Variants in SLC48A1 observed in about 807,000 individuals in gnomAD.
SLC48A1 encodes heme transporter HRG1.
SLC48A1 carries 6 observed loss-of-function variants against 14.8 expected under a neutral mutation model. The ratio of observed to expected loss-of-function variants is 0.41; its 90% CI spans 0.22 to 0.80. SLC48A1 has a LOEUF of 0.80. SLC48A1 is among the 30% of genes least tolerant of loss of function. The pLI is 0.34. For missense variants in SLC48A1, 165 were observed against 204.8 expected (o/e 0.81, Z 1.19); for synonymous variants, 89 against 90.0 (o/e 0.99, Z 0.06).
rs568829828 is a variant in SLC48A1, at chr12:47,758,896, G to A, written c.-373+236G>A. The A allele has an allele frequency of 1.5e-5, 17 of 1,111,298 alleles. No homozygotes were observed. In the East Asian group the frequency reaches 7.4e-4, roughly 48 times the overall value. The allele number at this position is 1,111,298 out of a possible 1,614,324, so 68.8% of individuals were successfully genotyped here. On this transcript the variant is annotated intron_variant, in intron 1 of 4. Coordinates refer to the SLC48A1 transcript ENST00000547002. ...AGGCTGCGCTGGCACCGGTCCGGGC[G>A]GGAGCTGTCACACCCCCTGCGCTGC... is the stretch of plus-strand genomic sequence containing the variant.
At position 47,780,186 on chromosome 12, in the gene SLC48A1, A is replaced by T. The variant is rs1349355069; in HGVS notation, c.346A>T (p.Ser116Cys). The change falls in exon 3 of 3, where the codon AGC (serine) becomes TGC (cysteine). Residue 116 changes from serine (S) to cysteine (C), a missense_variant. By Grantham distance (112) the Ser-to-Cys change is moderately radical. Transcript: ENST00000442218. ...PTSYYLSSVW[S>C]FISFKWAFLL... ...CAGCTACTACCTCTCCAGCGTCTGGAGCTTCATTTCCTTCAAGTGGGCCTT... is the reference window on the plus strand; with the variant it reads ...CAGCTACTACCTCTCCAGCGTCTGGTGCTTCATTTCCTTCAAGTGGGCCTT... 1.2e-6 allele frequency: 2 copies of T among 1,613,016 alleles called. No homozygotes were observed. Among genetic ancestry groups the T allele is most frequent in the South Asian group, 1.1e-5 (1 of 90,908 alleles).
intron 2 of SLC48A1, among the ~76,000 whole-genome samples, chr12:47,763,049 T>C (rs1942422366): frequency 6.6e-6 from 1 of 152,216 alleles, no homozygotes; most frequent in Non-Finnish European, 1.5e-5. Context: ...GGCATGAAGC[T>C]GATGCTTAAT....
At chr12:47,766,497 A>C (rs1435297965) in intron 2 of SLC48A1, among the ~76,000 whole-genome samples, 1 of 152,118 alleles carries the variant, frequency 6.6e-6, no homozygotes, top group Non-Finnish European at 1.5e-5. Context: ...CAGCTCCCTC[A>C]GTAAAAGGTG....
chr12:47,777,684 A>T lies in SLC48A1; in HGVS notation c.137-1344A>T, dbSNP rs1942783112. Among the ~76,000 whole-genome samples, 1 of 152,226 alleles carries T rather than the reference A, an allele frequency of 6.6e-6. No individual in the cohort carries two copies. The highest frequency in any genetic ancestry group is 2.4e-5 in the African/African-American group (1 of 41,452). ...TTTTCCCCCTTAAACAAATTATGAA[A>T]TATTTTAGGCACACAAAAAAGGATA... On this transcript the variant is annotated intron_variant, in intron 1 of 2. Coordinates refer to ENST00000442218, the MANE Select transcript of SLC48A1 (RefSeq NM_017842.3). The surrounding 1 kb of genome is among the most constrained non-coding windows in gnomAD (Gnocchi z 4.5).
At chr12:47,757,835 C>T (rs1942176565), upstream of SLC48A1, 1 of 1,537,394 alleles carries the variant, frequency 6.5e-7, no homozygotes. Flanking sequence ...TGGTACTGGC[C>T]CTGGCACCTG....
intron 1 of SLC48A1, 120 bp downstream of exon 1, chr12:47,773,560 C>G: frequency 2.5e-6 from 3 of 1,217,572 alleles, no homozygotes; most frequent in South Asian, 6.7e-5. Flanking sequence ...AGTGTTTACT[C>G]GAAAACAGCG....
chr12:47,768,608 T>G (rs1204694580), upstream of SLC48A1: 2 of 152,258 alleles, frequency 1.3e-5, no homozygotes, highest in Admixed American at 1.3e-4. Flanking sequence ...AGCCCTGACA[T>G]GTCCAATAAA....
intron 2 of SLC48A1, among the ~76,000 whole-genome samples, chr12:47,761,451 G>A (rs7397928): frequency 0.18 from 27,462 of 152,228 alleles, 3,212 homozygotes; most frequent in East Asian, 0.36. Context: ...ATCATAGGGA[G>A]TAGATCTTTT....
chr12:47,779,206 G>C lies in SLC48A1; in HGVS notation c.304+11G>C. 1 of 1,548,180 alleles carries C rather than the reference G, an allele frequency of 6.5e-7. No homozygotes were observed. The highest frequency in any genetic ancestry group is 1.2e-5 in the South Asian group (1 of 83,930). Reference sequence around the variant, plus strand: ...TCACCCGGCATCAGAGTGAGGGCGGGTCCCAGGGAAAGAGGGCATGGGAGG... The same window carrying C: ...TCACCCGGCATCAGAGTGAGGGCGGCTCCCAGGGAAAGAGGGCATGGGAGG... On this transcript the variant is annotated intron_variant, in intron 2 of 2. Transcript: ENST00000442218.
upstream of SLC48A1, chr12:47,758,541 C>T: frequency 6.2e-7 from 1 of 1,613,936 alleles, no homozygotes; most frequent in Non-Finnish European, 8.5e-7. Context: ...CCTGACCCCA[C>T]CTTACCCACC....
intron 2 of SLC48A1, among the ~76,000 whole-genome samples, chr12:47,766,126 C>T (rs1942510467): frequency 1.3e-5 from 2 of 152,230 alleles, no homozygotes; most frequent in Admixed American, 6.5e-5. Context: ...AGCCTTATTT[C>T]TAGTCTTTTC....
upstream of SLC48A1, chr12:47,770,753 C>A: frequency 8.9e-6 from 4 of 451,168 alleles, no homozygotes; most frequent in Non-Finnish European, 1.8e-5. Flanking sequence ...AGGGGGACAG[C>A]CTTCTTAACA....
intron 2 of SLC48A1, among the ~76,000 whole-genome samples, chr12:47,762,722 A>T (rs1942413407): frequency 6.6e-6 from 1 of 152,262 alleles, no homozygotes; most frequent in African/African-American, 2.4e-5. Flanking sequence ...TAAGTAGTAC[A>T]GCCAGACTCA....
At chr12:47,779,286 A>G in intron 2 of SLC48A1, 91 bp downstream of exon 2, 1 of 1,440,008 alleles carries the variant, frequency 6.9e-7, no homozygotes, top group Non-Finnish European at 9.2e-7. Context: ...GGTTACCTCC[A>G]AAGAGACTGG....
At chr12:47,775,165 T>A (rs1942718830) in intron 1 of SLC48A1, among the ~76,000 whole-genome samples, 1 of 152,174 alleles carries the variant, frequency 6.6e-6, no homozygotes, top group Non-Finnish European at 1.5e-5. Flanking sequence ...TCCCTCCAGA[T>A]CTGAAATCTT....
chr12:47,769,849 A>T (rs1479442791), upstream of SLC48A1, among the ~76,000 whole-genome samples: 1 of 152,192 alleles, frequency 6.6e-6, no homozygotes, highest in East Asian at 1.9e-4. Flanking sequence ...TTAAATTTAA[A>T]TTAATTTAAA....
intron 1 of SLC48A1, among the ~76,000 whole-genome samples, chr12:47,774,539 C>G (rs1022306433): frequency 6.6e-6 from 1 of 152,152 alleles, no homozygotes; most frequent in Non-Finnish European, 1.5e-5. Flanking sequence ...GATTATATTC[C>G]ATTACTAAAA....
intron 1 of SLC48A1, among the ~76,000 whole-genome samples, chr12:47,775,073 C>T (rs532414626): frequency 6.0e-4 from 92 of 152,152 alleles, no homozygotes; most frequent in South Asian, 1.0e-3. Flanking sequence ...GTGAACCCTA[C>T]CTGGCCGTTT....
chr12:47,768,805 G>C (rs995679350), upstream of SLC48A1: 2 of 152,204 alleles, frequency 1.3e-5, no homozygotes, highest in African/African-American at 4.8e-5. Context: ...ACTTCAGAAG[G>C]ATTGATGGTT....
Sources: gnomAD v4.1 joint callset for allele counts (sites outside exome capture counted in the v4.1 genomes callset) on GRCh38, gnomAD v4.1.1 for gene constraint, Gnocchi (gnomAD v3.1) non-coding constraint, MANE v1.5 for transcripts, NCBI Gene and HGNC (gene_info 2026-07-23, HGNC 2026-07-21) for gene names.